The following IST1 variants were observed in gnomAD, a reference collection of about 807,000 sequenced individuals.
IST1 encodes the protein IST1 homolog.
Under a neutral mutation model 37.0 loss-of-function variants are expected in IST1, and 23 were observed. The ratio of observed to expected loss-of-function variants is 0.62; its 90% CI spans 0.45 to 0.88. The LOEUF is 0.88. Ranked by LOEUF, IST1 falls within the 40% of genes least tolerant of loss-of-function variation. IST1 has a pLI of 0.00. For missense variants in IST1, 488 were observed against 445.4 expected (o/e 1.10, Z -0.86); for synonymous variants, 180 against 161.7 (o/e 1.11, Z -0.86).
intron 3 of IST1, 74 bp downstream of exon 3, chr16:71,916,716 T>G: frequency 7.8e-7 from 1 of 1,278,210 alleles, no homozygotes; most frequent in Non-Finnish European, 1.1e-6. Context: ...TCTTTCTGCA[T>G]TAAGGGACTA....
At chr16:71,908,870 T>G (rs1378437510) in intron 1 of IST1, among the ~76,000 whole-genome samples, 5 of 152,288 alleles carry the variant, frequency 3.3e-5, no homozygotes, top group East Asian at 3.9e-4. Flanking sequence ...AATTGTGGTC[T>G]TCTTCATCCA....
intron 2 of IST1, 94 bp downstream of exon 2, chr16:71,915,822 A>T (rs1388544093): frequency 1.3e-6 from 1 of 745,268 alleles, no homozygotes; most frequent in Non-Finnish European, 2.2e-6. Context: ...AGTCTTAGGG[A>T]TCATATTTTT....
intron 1 of IST1, among the ~76,000 whole-genome samples, chr16:71,900,974 T>C (rs2037094920): frequency 6.6e-6 from 1 of 152,190 alleles, no homozygotes; most frequent in Non-Finnish European, 1.5e-5. Context: ...AAAAGAATTT[T>C]AGATTACTTA....
intron 8 of IST1, 93 bp from the exon 9 acceptor site, chr16:71,924,676 G>C (rs2037694651): frequency 4.3e-6 from 4 of 930,910 alleles, no homozygotes; most frequent in Non-Finnish European, 7.1e-6. Context: ...CATTTGGTGA[G>C]CAACTTAACT....
intron 1 of IST1, among the ~76,000 whole-genome samples, chr16:71,895,958 G>A (rs1219977776): frequency 6.6e-6 from 1 of 152,240 alleles, no homozygotes; most frequent in African/African-American, 2.4e-5. Flanking sequence ...CCCCTACCCC[G>A]TCTTTTCTGG....
rs557493134 is a variant in IST1, at chr16:71,899,946, A to G, written c.-16+4357A>G. 4.0e-5 allele frequency among the ~76,000 whole-genome samples: 6 copies of G among 151,220 alleles called. No homozygotes were observed. In the South Asian group the frequency reaches 1.0e-3, roughly 26 times the overall value. On this transcript the variant is annotated intron_variant, in intron 1 of 9. Coordinates refer to ENST00000378799, the MANE Select transcript of IST1 (RefSeq NM_001270975.2). ...GCTGAGGCAGAGGTAGTAGTGAGCC[A>G]AGATTGCGCCACTGCACTCTAGCCT... is the stretch of plus-strand genomic sequence containing the variant.
chr16:71,917,283 T>C, intron 4 of IST1, 149 bp downstream of exon 4: 2 of 571,934 alleles, frequency 3.5e-6, no homozygotes, highest in Non-Finnish European at 3.0e-6. Flanking sequence ...GTTTCTCCCT[T>C]TCAGCCTTAT....
chr16:71,922,442 G>A (rs1567472450), intron 6 of IST1, 32 bp from the exon 7 acceptor site: 3 of 1,593,126 alleles, frequency 1.9e-6, no homozygotes, highest in Admixed American at 1.7e-5. Flanking sequence ...TTGGACATGG[G>A]TTAATGACCT....
chr16:71,898,880 A>G (rs1004347432), intron 1 of IST1, among the ~76,000 whole-genome samples: 7 of 150,148 alleles, frequency 4.7e-5, no homozygotes, highest in Non-Finnish European at 7.4e-5. Context: ...CAGGAGAATC[A>G]CTTGAACCTA....
At position 71,895,579 on chromosome 16, in the gene IST1, G is replaced by A. The variant is rs905604690; in HGVS notation, c.-26G>A. The stretch of plus-strand genomic sequence containing the variant: ...TCGGTGTCTGCTGCGTTCACGGCAG[G>A]ATTCGGTTAGGTGAGTGTGGCATCC... On this transcript the variant is annotated 5_prime_UTR_variant, in exon 1 of 10. Coordinates refer to ENST00000378799, the MANE Select transcript of IST1 (RefSeq NM_001270975.2). 9.1e-6 allele frequency: 9 copies of A among 984,998 alleles called. No homozygotes were observed. In the Admixed American group the frequency reaches 4.3e-4, roughly 47 times the overall value. The allele number at this position is 984,998 out of a possible 1,614,324, so 61.0% of individuals were successfully genotyped here. A position where few individuals can be genotyped will look rare whatever the true frequency, so the allele number is the denominator to read the frequency against.
Position 71,929,657 on chromosome 16 carries a change from T to C in IST1, c.*1844T>C, listed in dbSNP as rs1156235233. The C allele has an allele frequency of 6.5e-7, 1 of 1,550,206 alleles. No homozygotes were observed. Among genetic ancestry groups the C allele is most frequent in the Non-Finnish European group, 8.7e-7 (1 of 1,146,474 alleles). The stretch of plus-strand genomic sequence containing the variant: ...AAATTTGAGAGCTTCTGTAGCAGTG[T>C]ATCTATTAGTGCAGCTTCTTTCTGA... On this transcript the variant is annotated 3_prime_UTR_variant, in exon 10 of 10. Coordinates refer to ENST00000378799, the MANE Select transcript of IST1 (RefSeq NM_001270975.2).
rs1185949049 is a variant in IST1, at chr16:71,928,146, C to G, written c.*333C>G. ...GATGGGGGAAGCACTGTGGGAAGAC[C>G]ACCAAAGATGGCTGGACAGTGGGAG... is the stretch of plus-strand genomic sequence containing the variant. On this transcript the variant is annotated 3_prime_UTR_variant, in exon 10 of 10. Coordinates refer to ENST00000378799, the MANE Select transcript of IST1 (RefSeq NM_001270975.2). 5.9e-6 allele frequency: 2 copies of G among 337,400 alleles called. No individual in the cohort carries two copies. Among genetic ancestry groups the G allele is most frequent in the Admixed American group, 4.4e-5 (1 of 22,604 alleles). The allele number at this position is 337,400 out of a possible 1,614,324, so 20.9% of individuals were successfully genotyped here.
intron 1 of IST1, among the ~76,000 whole-genome samples, chr16:71,912,815 T>A (rs768987647): frequency 6.6e-6 from 1 of 152,240 alleles, no homozygotes; most frequent in Non-Finnish European, 1.5e-5. Context: ...TTTCTCTGAA[T>A]TTTAGATACC....
intron 1 of IST1, among the ~76,000 whole-genome samples, chr16:71,914,627 A>C (rs545156303): frequency 2.3e-4 from 35 of 152,260 alleles, no homozygotes; most frequent in African/African-American, 7.9e-4. Context: ...TAATTCTTAA[A>C]TGTAGGGTAA....
At chr16:71,915,085 T>A (rs1301197991) in intron 1 of IST1, among the ~76,000 whole-genome samples, 1 of 152,224 alleles carries the variant, frequency 6.6e-6, no homozygotes. Flanking sequence ...TTCTGTACTC[T>A]TGGGTACTAG....
chr16:71,906,961 C>T (rs1235748684), intron 1 of IST1, among the ~76,000 whole-genome samples: 1 of 152,044 alleles, frequency 6.6e-6, no homozygotes, highest in Non-Finnish European at 1.5e-5. Flanking sequence ...ACCTGGAAGG[C>T]AGAAGTTGGA....
intron 1 of IST1, among the ~76,000 whole-genome samples, chr16:71,904,539 G>A (rs2335709): frequency 0.72 from 109,640 of 152,074 alleles, 40,201 homozygotes; most frequent in East Asian, 0.97. Flanking sequence ...CAGTCCCCCC[G>A]AGTAGCTGGG....
Position 71,922,554 on chromosome 16 carries a change from A to G in IST1, c.633A>G (p.Arg211=). The change falls in exon 7 of 10, where the codon AGA becomes AGG. Residue 211 remains arginine, a synonymous_variant. Coordinates refer to ENST00000378799, the MANE Select transcript of IST1 (RefSeq NM_001270975.2). ...ATGTGAAGAAAGGAGGCCCTGGAAG[A>G]GGAGGGAGTGGTGGCTTCACAGCAC... is the stretch of plus-strand genomic sequence containing the variant. ...TDDVKKGGPG[R]GGSGGFTAPV... is the part of the protein sequence containing the mutation. The G allele has an allele frequency of 2.5e-6, 4 of 1,614,148 alleles. No homozygotes were observed. Among genetic ancestry groups the G allele is most frequent in the Non-Finnish European group, 3.4e-6 (4 of 1,180,004 alleles).
intron 6 of IST1, 67 bp downstream of exon 6, chr16:71,921,520 A>C (rs566410304): frequency 3.4e-6 from 3 of 892,994 alleles, no homozygotes; most frequent in Admixed American, 5.0e-5. Flanking sequence ...AAAACAAAAA[A>C]AACATTCTTT....
Sources: allele counts gnomAD v4.1 joint callset (sites outside exome capture counted in the v4.1 genomes callset), GRCh38; gene constraint gnomAD v4.1.1; transcripts MANE v1.5; gene names NCBI Gene and HGNC (gene_info 2026-07-23, HGNC 2026-07-21).